The following ADAMTS19 variants were observed in gnomAD, a reference collection of about 807,000 sequenced individuals.
ADAMTS19 encodes ADAM metallopeptidase with thrombospondin type 1 motif 19, also known as A disintegrin and metalloproteinase with thrombospondin motifs 19.
ADAMTS19 carries 93 observed loss-of-function variants against 153.3 expected under a neutral mutation model. That is an observed-to-expected ratio of 0.61 (90% CI 0.51 to 0.72). The LOEUF is 0.72. Ranked by LOEUF, ADAMTS19 falls within the 30% of genes least tolerant of loss-of-function variation. ADAMTS19 has a pLI of 0.00. For synonymous variants in ADAMTS19, 600 were observed against 556.6 expected (o/e 1.08, Z -1.10); for missense variants, 1,482 against 1,552.1 (o/e 0.95, Z 0.76).
At chr5:129,522,160 T>C (rs1189538649) in intron 3 of ADAMTS19, among the ~76,000 whole-genome samples, 1 of 150,882 alleles carries the variant, frequency 6.6e-6, no homozygotes, top group East Asian at 2.0e-4. Flanking sequence ...AGGCCAATTA[T>C]ATATCCATCT....
intron 18 of ADAMTS19, chr5:129,688,311 A>C (rs1247414419): frequency 6.6e-6 from 1 of 152,200 alleles, no homozygotes; most frequent in African/African-American, 2.4e-5. Context: ...CTTCATAAGA[A>C]TATATTAAGA....
intron 8 of ADAMTS19, among the ~76,000 whole-genome samples, chr5:129,602,450 A>G (rs777693982): frequency 6.6e-6 from 1 of 151,830 alleles, no homozygotes; most frequent in Non-Finnish European, 1.5e-5. Flanking sequence ...GGTTTCTAAT[A>G]AAAACAACAG....
chr5:129,695,624 C>T (rs1157715494), intron 19 of ADAMTS19, among the ~76,000 whole-genome samples: 1 of 152,162 alleles, frequency 6.6e-6, no homozygotes, highest in Admixed American at 6.5e-5. Flanking sequence ...CACAGGGCTC[C>T]AATCTACCTG....
chr5:129,621,672 T>G (rs1254298899), intron 9 of ADAMTS19, among the ~76,000 whole-genome samples: 1 of 152,220 alleles, frequency 6.6e-6, no homozygotes, highest in Non-Finnish European at 1.5e-5. Context: ...TGATTTTGTA[T>G]GGCTGCCTTC....
At chr5:129,622,428 A>G (rs1751821549) in intron 10 of ADAMTS19, 80 bp downstream of exon 10, 1 of 1,517,108 alleles carries the variant, frequency 6.6e-7, no homozygotes, top group East Asian at 2.3e-5. Context: ...ACATTATTTT[A>G]GGGTTTGTGG....
chr5:129,559,456 C>G (rs1753424710), intron 7 of ADAMTS19, among the ~76,000 whole-genome samples: 2 of 151,998 alleles, frequency 1.3e-5, no homozygotes, highest in South Asian at 2.1e-4. Flanking sequence ...ATTCAGATCA[C>G]AAGCAGATTT....
chr5:129,656,819 A>T (rs1753566456), intron 14 of ADAMTS19, among the ~76,000 whole-genome samples: 1 of 152,248 alleles, frequency 6.6e-6, no homozygotes, highest in Non-Finnish European at 1.5e-5. Context: ...ACTGGGAAAA[A>T]CTAAGAAACT....
chr5:129,607,946 CAT>C (rs960027482), intron 8 of ADAMTS19, among the ~76,000 whole-genome samples: 1 of 144,078 alleles, frequency 6.9e-6, no homozygotes, highest in African/African-American at 2.6e-5. Flanking sequence ...TGTGTGTATG[CAT>C]ATATATATAC....
chr5:129,640,769 G>A (rs1752752100), intron 10 of ADAMTS19, among the ~76,000 whole-genome samples: 1 of 151,846 alleles, frequency 6.6e-6, no homozygotes, highest in Non-Finnish European at 1.5e-5. Context: ...TCTTCTCCCA[G>A]TATCTGGATA....
At chr5:129,538,323 T>C (rs917791094) in intron 6 of ADAMTS19, among the ~76,000 whole-genome samples, 1 of 152,132 alleles carries the variant, frequency 6.6e-6, no homozygotes, top group African/African-American at 2.4e-5. Context: ...ATTAAATACA[T>C]GGAGTTACAT....
chr5:129,537,645 A>G (rs1581056234), intron 6 of ADAMTS19, among the ~76,000 whole-genome samples: 2 of 152,256 alleles, frequency 1.3e-5, no homozygotes, highest in African/African-American at 4.8e-5. Flanking sequence ...ATGAAGCTGG[A>G]AACCATCATT....
At chr5:129,566,637 G>A (rs924308394) in intron 7 of ADAMTS19, among the ~76,000 whole-genome samples, 1 of 152,106 alleles carries the variant, frequency 6.6e-6, no homozygotes, top group Non-Finnish European at 1.5e-5. Flanking sequence ...AAAACACTAG[G>A]AGAAGCCCTC....
chr5:129,460,940 A>C (rs1749626048), intron 1 of ADAMTS19, among the ~76,000 whole-genome samples, 162 bp from the exon 2 acceptor site: 1 of 149,506 alleles, frequency 6.7e-6, no homozygotes, highest in Non-Finnish European at 1.5e-5. Flanking sequence ...CTGTAATCTG[A>C]TCGCAAGGCT....
intron 16 of ADAMTS19, among the ~76,000 whole-genome samples, chr5:129,674,862 A>G (rs979414824): frequency 2.6e-5 from 4 of 152,142 alleles, no homozygotes; most frequent in African/African-American, 2.4e-5. Flanking sequence ...CTTCCTTCAC[A>G]TAGACACCAC....
chr5:129,561,052 C>T lies in ADAMTS19; in HGVS notation c.1372+9145C>T, dbSNP rs1753495002. Among the ~76,000 whole-genome samples the T allele has an allele frequency of 2.0e-5, 3 of 152,168 alleles. No homozygotes were observed. The South Asian group carries it at 6.2e-4, about 32-fold the overall frequency. ...AATTAAAATAGATAAATTCTAAAAA[C>T]ATTTTGATTTATTTAAAATTAATAA... On this transcript the variant is annotated intron_variant, in intron 7 of 22. Transcript: ENST00000274487.
chr5:129,545,362 C>G (rs929256909), intron 6 of ADAMTS19, among the ~76,000 whole-genome samples: 1 of 152,082 alleles, frequency 6.6e-6, no homozygotes, highest in African/African-American at 2.4e-5. Flanking sequence ...ATTCTCCCAG[C>G]AGGCTACATA....
chr5:129,495,813 A>C (rs773370986), intron 2 of ADAMTS19, among the ~76,000 whole-genome samples: 24 of 152,090 alleles, frequency 1.6e-4, no homozygotes, highest in Non-Finnish European at 2.6e-4. Context: ...CCTGGTATAC[A>C]CAGAGTGTTT....
chr5:129,645,680 C>T (rs1753027528), intron 11 of ADAMTS19, among the ~76,000 whole-genome samples: 1 of 152,008 alleles, frequency 6.6e-6, no homozygotes, highest in Admixed American at 6.6e-5. Context: ...CTTTCAATGC[C>T]AGCTTGCTGC....
chr5:129,496,500 G>T (rs756984129), intron 2 of ADAMTS19, among the ~76,000 whole-genome samples: 1 of 152,036 alleles, frequency 6.6e-6, no homozygotes, highest in Non-Finnish European at 1.5e-5. Context: ...TCCTTGAGTA[G>T]TTTGCTCCAC....
Sources: gnomAD v4.1 joint callset for allele counts (sites outside exome capture counted in the v4.1 genomes callset) on GRCh38, gnomAD v4.1.1 for gene constraint, MANE v1.5 for transcripts, NCBI Gene and HGNC (gene_info 2026-07-23, HGNC 2026-07-21) for gene names.